ZFAND3: variants seen among roughly 807,000 people sequenced by gnomAD.
The protein encoded by ZFAND3 is zinc finger AN1-type containing 3.
In ZFAND3, 10 loss-of-function variants were observed where a neutral mutation model predicts 29.6. The observed-to-expected ratio is 0.34, with a 90% CI of 0.21 to 0.57. ZFAND3 has a LOEUF of 0.57. Among genes scored for constraint, ZFAND3 ranks in the 20% least tolerant of loss-of-function variants. The pLI, the probability that ZFAND3 is intolerant of heterozygous loss-of-function variation, is 0.86. For missense variants in ZFAND3, 230 were observed against 304.5 expected (o/e 0.76, Z 1.82); for synonymous variants, 128 against 112.6 (o/e 1.14, Z -0.87).
chr6:37,891,853 C>G (rs1276724077), intron 1 of ZFAND3, among the ~76,000 whole-genome samples: 1 of 151,908 alleles, frequency 6.6e-6, no homozygotes. Flanking sequence ...CTCAGCCTCC[C>G]GAGTAGTTGG....
chr6:38,130,736 G>T (rs1447978394), intron 5 of ZFAND3, among the ~76,000 whole-genome samples: 1 of 152,094 alleles, frequency 6.6e-6, no homozygotes, highest in East Asian at 1.9e-4. Flanking sequence ...AAGGATTTTA[G>T]CATATATGTT....
intron 3 of ZFAND3, among the ~76,000 whole-genome samples, chr6:38,065,379 TAAG>T (rs759709121): frequency 7.2e-4 from 109 of 151,386 alleles, no homozygotes; most frequent in Admixed American, 2.6e-3. Context: ...CTTCTGCACT[TAAG>T]GAGCAAAAAG....
intron 1 of ZFAND3, among the ~76,000 whole-genome samples, chr6:37,854,776 CTT>C (rs199864679): frequency 1.2e-5 from 1 of 80,544 alleles, no homozygotes; most frequent in Non-Finnish European, 2.4e-5. Flanking sequence ...CCCCCCCCCC[CTT>C]TTTTTTTAAG....
At position 38,038,622 on chromosome 6, in the gene ZFAND3, C is replaced by G. The variant is rs564361398; in HGVS notation, c.113-22971C>G. ...AGGAGAATGAAAGTCGTTTCCCCCCCGCTTTGGTGCTTTATTTTATTTTTT... is the reference window on the plus strand; with the variant it reads ...AGGAGAATGAAAGTCGTTTCCCCCCGGCTTTGGTGCTTTATTTTATTTTTT... On this transcript the variant is annotated intron_variant, in intron 2 of 5. Coordinates refer to ENST00000287218, the MANE Select transcript of ZFAND3 (RefSeq NM_021943.3). Among the ~76,000 whole-genome samples the G allele has an allele frequency of 1.8e-3, 273 of 152,172 alleles. 3 individuals are homozygous for G. The Middle Eastern group carries it at 0.031, about 17-fold the overall frequency.
At chr6:38,130,464 T>C (rs917201597) in intron 5 of ZFAND3, among the ~76,000 whole-genome samples, 22 of 152,236 alleles carry the variant, frequency 1.4e-4, no homozygotes, top group African/African-American at 5.3e-4. Flanking sequence ...TAGATGGCTT[T>C]TATTATATTG....
At chr6:37,839,806 C>T (rs1370153384) in intron 1 of ZFAND3, among the ~76,000 whole-genome samples, 1 of 152,160 alleles carries the variant, frequency 6.6e-6, no homozygotes, top group African/African-American at 2.4e-5. Flanking sequence ...AGCCACCGCA[C>T]CCGGCCATAA....
At chr6:37,920,736 A>G (rs1234299978) in intron 1 of ZFAND3, among the ~76,000 whole-genome samples, 1 of 152,232 alleles carries the variant, frequency 6.6e-6, no homozygotes, top group African/African-American at 2.4e-5. Flanking sequence ...CCTTAAAAAG[A>G]AAATTTGCAG....
intron 1 of ZFAND3, among the ~76,000 whole-genome samples, chr6:37,894,777 A>T (rs1042473349): frequency 6.6e-6 from 1 of 152,206 alleles, no homozygotes; most frequent in African/African-American, 2.4e-5. Flanking sequence ...TGCTGAGTAT[A>T]GAATTCTAAG....
At chr6:37,849,273 A>G (rs1251029759) in intron 1 of ZFAND3, among the ~76,000 whole-genome samples, 1 of 151,906 alleles carries the variant, frequency 6.6e-6, no homozygotes, top group Non-Finnish European at 1.5e-5. Context: ...GTTCTATTCA[A>G]TTTTTCTTTT....
At chr6:38,008,139 C>T (rs1364753978) in intron 2 of ZFAND3, among the ~76,000 whole-genome samples, 1 of 152,102 alleles carries the variant, frequency 6.6e-6, no homozygotes, top group African/African-American at 2.4e-5. Context: ...TTCACATAGC[C>T]TTTGCCTTAT....
At chr6:38,074,819 C>G (rs1764520996) in intron 3 of ZFAND3, among the ~76,000 whole-genome samples, 1 of 152,186 alleles carries the variant, frequency 6.6e-6, no homozygotes, top group Non-Finnish European at 1.5e-5. Flanking sequence ...TAGCTGGTGA[C>G]TTTAAGTGGA....
intron 1 of ZFAND3, among the ~76,000 whole-genome samples, chr6:37,858,458 G>GTGAAAT (rs1398779794): frequency 6.6e-6 from 1 of 152,230 alleles, no homozygotes; most frequent in Admixed American, 6.5e-5. Flanking sequence ...GGAGTAGGCT[G>GTGAAAT]TGGAGTAATA....
At chr6:37,929,868 C>G (rs1169469325) in intron 1 of ZFAND3, 91 bp from the exon 2 acceptor site, 8 of 1,305,652 alleles carry the variant, frequency 6.1e-6, no homozygotes, top group Non-Finnish European at 8.2e-6. Flanking sequence ...CCAGAAAGTT[C>G]TTTGCCTACG....
intron 1 of ZFAND3, among the ~76,000 whole-genome samples, chr6:37,894,761 T>C (rs142475671): frequency 7.2e-4 from 110 of 152,346 alleles, no homozygotes; most frequent in African/African-American, 2.5e-3. Flanking sequence ...TTTTGAAATA[T>C]ATTTTTGCTG....
chr6:37,854,563 C>G (rs2127380719), intron 1 of ZFAND3, among the ~76,000 whole-genome samples: 1 of 152,168 alleles, frequency 6.6e-6, no homozygotes, highest in South Asian at 2.1e-4. Flanking sequence ...TTTCTGTTTG[C>G]CCGGCACTGT....
intron 2 of ZFAND3, among the ~76,000 whole-genome samples, chr6:37,961,526 G>A (rs891817440): frequency 6.6e-6 from 1 of 152,238 alleles, no homozygotes; most frequent in East Asian, 1.9e-4. Flanking sequence ...CAGCCAGGGT[G>A]TGGTTACAGT....
chr6:37,994,964 T>C (rs190940233), intron 2 of ZFAND3, among the ~76,000 whole-genome samples: 168 of 152,310 alleles, frequency 1.1e-3, no homozygotes, highest in Non-Finnish European at 1.9e-3. Context: ...GAGTGTTATG[T>C]TTGGCTGATC....
intron 1 of ZFAND3, among the ~76,000 whole-genome samples, chr6:37,920,259 A>G (rs259690): frequency 0.3 from 45,293 of 151,460 alleles, 7,477 homozygotes; most frequent in Non-Finnish European, 0.38. Context: ...TGATAGCCTC[A>G]TTAAGTTTCT....
intron 2 of ZFAND3, among the ~76,000 whole-genome samples, chr6:38,041,627 ACTTTTTCTTCTTCTTCTTCTTCTTCTT>A (rs1375019079): frequency 4.1e-4 from 27 of 66,484 alleles, no homozygotes; most frequent in African/African-American, 7.3e-4. Flanking sequence ...TTTTTTATCT[ACTTTTTCTTCTTCTTCTTCTTCTTCTT>A]CTTCTTCTTC....
Sources: allele counts gnomAD v4.1 joint callset (sites outside exome capture counted in the v4.1 genomes callset), GRCh38; gene constraint gnomAD v4.1.1; transcripts MANE v1.5; gene names NCBI Gene and HGNC (gene_info 2026-07-23, HGNC 2026-07-21).